The following CSMD1 variants were observed in gnomAD, a reference collection of about 807,000 sequenced individuals.
The protein encoded by CSMD1 is CUB and Sushi multiple domains 1, also known as CUB and sushi domain-containing protein 1.
In CSMD1, 213 loss-of-function variants were observed where a neutral mutation model predicts 417.5. The observed-to-expected ratio is 0.51, with a 90% CI of 0.46 to 0.57. The LOEUF (loss-of-function observed/expected upper bound fraction) is 0.57. CSMD1 is among the 20% of genes least tolerant of loss of function. The probability of loss-of-function intolerance (pLI) is 0.00; values close to 1 mark genes in which losing one functional copy is unlikely to be tolerated. For missense variants in CSMD1, 6,923 were observed against 4,529.7 expected, an observed-to-expected ratio of 1.53 and a Z score of -15.17; for synonymous variants, 2,862 against 1,736.8, an observed-to-expected ratio of 1.65 and a Z score of -16.11.
intron 7 of CSMD1, among the ~76,000 whole-genome samples, chr8:3,619,789 G>C (rs1278581919): frequency 1.3e-5 from 2 of 152,120 alleles, no homozygotes; most frequent in African/African-American, 4.8e-5. Flanking sequence ...AGAAAGCAAT[G>C]GATAGGCTGG....
chr8:4,073,668 G>A lies in CSMD1; in HGVS notation c.416-41569C>T, dbSNP rs556362989. The stretch of plus-strand genomic sequence containing the variant: ...CTGGGGAATAATTCTCTGAAGTATA[G>A]TTATATTTAGATTATTTCTAAGTAA... On this transcript the variant is annotated intron_variant, in intron 3 of 69. Transcript: ENST00000635120. Among the ~76,000 whole-genome samples the A allele has an allele frequency of 1.6e-4, 24 of 152,202 alleles. No homozygotes were observed. The South Asian group carries it at 1.7e-3, about 11-fold the overall frequency.
At chr8:4,521,342 G>A (rs965021904) in intron 2 of CSMD1, among the ~76,000 whole-genome samples, 1 of 152,090 alleles carries the variant, frequency 6.6e-6, no homozygotes, top group African/African-American at 2.4e-5. Flanking sequence ...GAGCTGGGAA[G>A]CCTTAAGAAC....
At chr8:4,298,446 C>G (rs1161186688) in intron 3 of CSMD1, among the ~76,000 whole-genome samples, 1 of 152,012 alleles carries the variant, frequency 6.6e-6, no homozygotes, top group Non-Finnish European at 1.5e-5. Context: ...GAATAATTCC[C>G]TATACAGGAA....
chr8:4,697,141 C>T (rs982977750), intron 1 of CSMD1, among the ~76,000 whole-genome samples: 1 of 152,098 alleles, frequency 6.6e-6, no homozygotes, highest in Non-Finnish European at 1.5e-5. Flanking sequence ...CACTGCACTA[C>T]AGCCTGGGCA....
intron 3 of CSMD1, among the ~76,000 whole-genome samples, chr8:4,063,025 A>G (rs1799060636): frequency 6.6e-6 from 1 of 152,204 alleles, no homozygotes; most frequent in African/African-American, 2.4e-5. Flanking sequence ...TAGTTACATA[A>G]TTTAGGAAGA....
intron 2 of CSMD1, among the ~76,000 whole-genome samples, chr8:4,439,553 G>A (rs975539601): frequency 1.3e-5 from 2 of 152,066 alleles, no homozygotes; most frequent in Admixed American, 6.5e-5. Flanking sequence ...TGAAGTATGA[G>A]TTTACTATCT....
intron 1 of CSMD1, among the ~76,000 whole-genome samples, chr8:4,931,628 A>G (rs1329269447): frequency 6.6e-6 from 1 of 152,182 alleles, no homozygotes; most frequent in Admixed American, 6.5e-5. Context: ...GCAACCATAA[A>G]ACATCTACCT....
intron 21 of CSMD1, among the ~76,000 whole-genome samples, chr8:3,353,031 T>C (rs1223886518): frequency 3.9e-5 from 6 of 152,282 alleles, no homozygotes; most frequent in South Asian, 2.1e-4. Flanking sequence ...AGGGAAACTA[T>C]GATTTGAACC....
intron 5 of CSMD1, among the ~76,000 whole-genome samples, chr8:3,759,856 C>T (rs1304872320): frequency 1.4e-5 from 2 of 148,076 alleles, no homozygotes; most frequent in Admixed American, 6.8e-5. Flanking sequence ...TGCAGTGACC[C>T]GGAGATTGCA....
chr8:3,908,381 T>A (rs559249093), intron 5 of CSMD1, among the ~76,000 whole-genome samples: 1 of 152,310 alleles, frequency 6.6e-6, no homozygotes, highest in South Asian at 2.1e-4. Flanking sequence ...ATTTTCCCAA[T>A]GGGAATCTGA....
intron 5 of CSMD1, among the ~76,000 whole-genome samples, chr8:3,951,599 A>C (rs1811605934): frequency 6.6e-6 from 1 of 152,222 alleles, no homozygotes; most frequent in South Asian, 2.1e-4. Context: ...AACGAGAGAA[A>C]TACTACTACT....
chr8:4,974,181 T>C (rs1810411768), intron 1 of CSMD1, among the ~76,000 whole-genome samples: 1 of 111,240 alleles, frequency 9.0e-6, no homozygotes, highest in African/African-American at 3.3e-5. Flanking sequence ...CACACCCAGC[T>C]AATTTTTTTT....
chr8:4,631,309 C>G (rs1802498707), intron 2 of CSMD1, among the ~76,000 whole-genome samples: 1 of 152,014 alleles, frequency 6.6e-6, no homozygotes, highest in Non-Finnish European at 1.5e-5. Context: ...TTGCAGTGAG[C>G]TGAGATCCTG....
At chr8:4,818,956 A>G (rs1799365015) in intron 1 of CSMD1, among the ~76,000 whole-genome samples, 2 of 152,194 alleles carry the variant, frequency 1.3e-5, no homozygotes, top group Admixed American at 6.5e-5. Context: ...AATTTATATT[A>G]AAACTGTGAC....
At chr8:4,410,381 T>G (rs1306022134) in intron 3 of CSMD1, among the ~76,000 whole-genome samples, 4 of 152,216 alleles carry the variant, frequency 2.6e-5, no homozygotes, top group Non-Finnish European at 5.9e-5. Flanking sequence ...AGAATTCATG[T>G]GCTTATCCAC....
At chr8:4,256,399 C>G (rs1803456189) in intron 3 of CSMD1, among the ~76,000 whole-genome samples, 1 of 152,156 alleles carries the variant, frequency 6.6e-6, no homozygotes, top group Non-Finnish European at 1.5e-5. Flanking sequence ...CTCTGAATTT[C>G]TCTTTTCTCC....
Position 4,115,003 on chromosome 8 carries a change from T to G in CSMD1, c.416-82904A>C, listed in dbSNP as rs1162207972. ...AAATATCTAGATTATTATAGAAACC[T>G]AGTTGATAATGCAGAAGCATGGTTT... On this transcript the variant is annotated intron_variant, in intron 3 of 69. Transcript: ENST00000635120. Among the ~76,000 whole-genome samples the G allele has an allele frequency of 3.3e-5, 5 of 152,302 alleles. No homozygotes were observed. The East Asian group carries it at 7.7e-4, about 23-fold the overall frequency.
intron 2 of CSMD1, among the ~76,000 whole-genome samples, chr8:4,530,381 G>T (rs186720894): frequency 3.3e-5 from 4 of 121,970 alleles, no homozygotes; most frequent in Non-Finnish European, 4.8e-5. Context: ...GAACGTGCAG[G>T]TTTGTTACAT....
At chr8:4,411,856 T>G (rs1365134502) in intron 3 of CSMD1, among the ~76,000 whole-genome samples, 1 of 152,224 alleles carries the variant, frequency 6.6e-6, no homozygotes, top group Non-Finnish European at 1.5e-5. Context: ...AATGGAATTA[T>G]GTTGCATTTT....
Sources: gnomAD v4.1 joint callset for allele counts (sites outside exome capture counted in the v4.1 genomes callset) on GRCh38, gnomAD v4.1.1 for gene constraint, MANE v1.5 for transcripts, NCBI Gene and HGNC (gene_info 2026-07-23, HGNC 2026-07-21) for gene names.